FAM184A: variants seen among roughly 807,000 people sequenced by gnomAD.
FAM184A encodes protein FAM184A.
In FAM184A, 99 loss-of-function variants were observed where a neutral mutation model predicts 143.8. The observed-to-expected ratio is 0.69, with a 90% CI of 0.58 to 0.81. The LOEUF is 0.81. Among genes scored for constraint, FAM184A ranks in the 40% least tolerant of loss-of-function variants. The pLI, the probability that FAM184A is intolerant of heterozygous loss-of-function variation, is 0.00. For synonymous variants in FAM184A, 427 were observed against 446.4 expected (o/e 0.96, Z 0.55); for missense variants, 1,217 against 1,310.5 (o/e 0.93, Z 1.10).
At chr6:118,962,740 A>C (rs890050659) in intron 16 of FAM184A, 4 of 152,154 alleles carry the variant, frequency 2.6e-5, no homozygotes. Flanking sequence ...GATTATCAAA[A>C]TCTATCAGCT....
At chr6:119,142,481 T>C (rs1390368180) in intron 1 of FAM184A, among the ~76,000 whole-genome samples, 9 of 152,174 alleles carry the variant, frequency 5.9e-5, no homozygotes, top group East Asian at 1.9e-4. Flanking sequence ...GAAAACGACA[T>C]TGAACATTTA....
intron 1 of FAM184A, among the ~76,000 whole-genome samples, chr6:119,027,512 TCTC>T (rs1319957997): frequency 4.6e-5 from 7 of 151,984 alleles, no homozygotes; most frequent in African/African-American, 1.2e-4. Context: ...GGACCCCACC[TCTC>T]CTTTTAGGGA....
intron 1 of FAM184A, among the ~76,000 whole-genome samples, chr6:119,043,787 T>C (rs750295177): frequency 1.1e-4 from 17 of 152,208 alleles, no homozygotes; most frequent in Non-Finnish European, 8.8e-5. Context: ...GCTCAAACAG[T>C]GGTCTGCAAC....
intron 5 of FAM184A, among the ~76,000 whole-genome samples, chr6:119,015,007 C>T (rs977968624): frequency 1.3e-5 from 2 of 151,028 alleles, no homozygotes; most frequent in African/African-American, 4.9e-5. Flanking sequence ...TGCAATGAGC[C>T]GAGATTGTGC....
chr6:119,128,527 A>G (rs1278027508), intron 1 of FAM184A, among the ~76,000 whole-genome samples: 2 of 152,178 alleles, frequency 1.3e-5, no homozygotes, highest in Non-Finnish European at 2.9e-5. Context: ...GGTTTGTTTC[A>G]AGATTATCTT....
In FAM184A at chr6:119,002,957, C is replaced by G. The variant is rs779916036; in HGVS notation, c.2030G>C (p.Arg677Pro). Residue 677 changes from arginine (R) to proline (P), a missense_variant, in exon 9 of 18, where the codon CGA becomes CCA. Transcript: ENST00000338891. Reference protein sequence around the residue: ...AMSQLLQLKDREKNAARDSWQ... With the variant: ...AMSQLLQLKDPEKNAARDSWQ... ...TGAATCTCTTGCTGCATTTTTCTCTCGATCTTTCAACTGCAAAAGTTGAGA... is the reference window on the plus strand; with the variant it reads ...TGAATCTCTTGCTGCATTTTTCTCTGGATCTTTCAACTGCAAAAGTTGAGA... 4 of 1,612,560 alleles carry G rather than the reference C, an allele frequency of 2.5e-6. No individual in the cohort carries two copies. In the South Asian group the frequency reaches 4.4e-5, roughly 18 times the overall value.
intron 1 of FAM184A, among the ~76,000 whole-genome samples, chr6:119,111,604 C>T (rs1788936316): frequency 6.6e-6 from 1 of 152,298 alleles, no homozygotes; most frequent in African/African-American, 2.4e-5. Context: ...GTTTATGTTA[C>T]CATGTAATAA....
chr6:119,038,600 C>T (rs1051455054), intron 1 of FAM184A, among the ~76,000 whole-genome samples: 1 of 152,096 alleles, frequency 6.6e-6, no homozygotes, highest in Non-Finnish European at 1.5e-5. Flanking sequence ...AAAGAGGAGG[C>T]ATAAATAATC....
At chr6:118,975,346 A>G (rs531901846) in intron 12 of FAM184A, 138 bp from the exon 13 acceptor site, 2 of 636,588 alleles carry the variant, frequency 3.1e-6, no homozygotes, top group East Asian at 5.5e-5. Context: ...AACTGCTGAA[A>G]TGAGAAAACC....
At chr6:119,025,315 T>C (rs1785592932) in intron 1 of FAM184A, 7 of 386,416 alleles carry the variant, frequency 1.8e-5, no homozygotes, top group South Asian at 1.4e-4. Flanking sequence ...TAATGGCCTG[T>C]TTAAATATTT....
chr6:119,043,619 T>C (rs1786422435), intron 1 of FAM184A, among the ~76,000 whole-genome samples: 1 of 152,066 alleles, frequency 6.6e-6, no homozygotes, highest in Admixed American at 6.5e-5. Context: ...AACCCTCTTT[T>C]TCTACCCCTG....
intron 1 of FAM184A, among the ~76,000 whole-genome samples, chr6:119,066,394 G>C (rs572996992): frequency 6.6e-6 from 1 of 152,116 alleles, no homozygotes; most frequent in Non-Finnish European, 1.5e-5. Flanking sequence ...CATCCAAATA[G>C]TCAAGGATAA....
At chr6:119,027,590 C>T (rs142591814) in intron 1 of FAM184A, among the ~76,000 whole-genome samples, 49 of 152,304 alleles carry the variant, frequency 3.2e-4, no homozygotes, top group African/African-American at 6.7e-4. Context: ...ACATTCCAGG[C>T]ATCTAGCTAG....
intron 1 of FAM184A, among the ~76,000 whole-genome samples, chr6:119,146,903 G>A (rs1331286890): frequency 1.5e-5 from 2 of 130,210 alleles, no homozygotes; most frequent in East Asian, 5.5e-4. Flanking sequence ...TCCTCCCAGA[G>A]ATGTGCACCC....
Position 118,974,500 on chromosome 6 carries a change from TTC to T in FAM184A, c.2841_2842del (p.Asn949TyrfsTer7). 6.2e-7 allele frequency: 1 copy of T among 1,613,072 alleles called. No homozygotes were observed. Among genetic ancestry groups the T allele is most frequent in the South Asian group, 1.1e-5 (1 of 90,944 alleles). On this transcript the variant is annotated frameshift_variant, in exon 14 of 18. Coordinates refer to ENST00000338891, the MANE Select transcript of FAM184A (RefSeq NM_024581.6). LOFTEE classifies it high-confidence loss of function. ...ATTAAAATCTGCCCGCATGATATTT[TTC>T]TCTCTGAGGTGGTCTGCTGTCATGA...
At chr6:119,119,350 TA>T (rs1427682771) in intron 1 of FAM184A, among the ~76,000 whole-genome samples, 1 of 152,190 alleles carries the variant, frequency 6.6e-6, no homozygotes, top group Non-Finnish European at 1.5e-5. Context: ...AAATCACTAA[TA>T]AAAACTTGCT....
chr6:119,071,860 C>A (rs78309020), intron 1 of FAM184A, among the ~76,000 whole-genome samples: 3 of 94,170 alleles, frequency 3.2e-5, no homozygotes, highest in Admixed American at 1.4e-4. Context: ...AACCTTTAAT[C>A]TTTTTTTTTT....
chr6:119,108,386 C>T (rs948401946), intron 1 of FAM184A, among the ~76,000 whole-genome samples: 5 of 152,144 alleles, frequency 3.3e-5, no homozygotes, highest in Admixed American at 1.3e-4. Context: ...TAAATAGCCT[C>T]TACCCCATCC....
At chr6:119,141,232 T>C (rs1772222069) in intron 1 of FAM184A, among the ~76,000 whole-genome samples, 1 of 152,230 alleles carries the variant, frequency 6.6e-6, no homozygotes, top group Non-Finnish European at 1.5e-5. Context: ...GCAACCTGCC[T>C]AGTCGAATTG....
Sources: allele counts gnomAD v4.1 joint callset (sites outside exome capture counted in the v4.1 genomes callset), GRCh38; gene constraint gnomAD v4.1.1; transcripts MANE v1.5; gene names NCBI Gene and HGNC (gene_info 2026-07-23, HGNC 2026-07-21).